The following TPD52 variants were observed in gnomAD, a reference collection of about 807,000 sequenced individuals.
TPD52 encodes the protein tumor protein D52, also known as prostate and colon associated protein.
In TPD52, 17 loss-of-function variants were observed where a neutral mutation model predicts 31.3. That is an observed-to-expected ratio of 0.54 (90% CI 0.37 to 0.82). The LOEUF is 0.82. TPD52 is among the 40% of genes least tolerant of loss of function. The pLI, the probability that TPD52 is intolerant of heterozygous loss-of-function variation, is 0.00. For missense variants in TPD52, 212 were observed against 240.1 expected (o/e 0.88, Z 0.77); for synonymous variants, 83 against 89.6 (o/e 0.93, Z 0.42).
At chr8:80,119,537 A>G (rs1040461595) in intron 1 of TPD52, among the ~76,000 whole-genome samples, 2 of 152,110 alleles carry the variant, frequency 1.3e-5, no homozygotes, top group Non-Finnish European at 1.5e-5. Flanking sequence ...TTTCTGGGGG[A>G]AAAAAAGTCA....
downstream of TPD52, chr8:80,033,271 C>A (rs541202193): frequency 2.8e-5 from 4 of 140,556 alleles, no homozygotes; most frequent in South Asian, 9.3e-4. Flanking sequence ...GGGCTCAACT[C>A]TTCTCGTTGC....
chr8:80,165,440 G>A (rs1811649290), intron 1 of TPD52, among the ~76,000 whole-genome samples: 1 of 152,162 alleles, frequency 6.6e-6, no homozygotes, highest in African/African-American at 2.4e-5. Flanking sequence ...AAGGAGTTCA[G>A]GACACAGCAT....
At position 80,168,532 on chromosome 8, in the gene TPD52, A is replaced by G. The variant is rs73252151; in HGVS notation, c.19+2893T>C. ...TGTTGCCAAAATCACAATTCAGGAG[A>G]CAATCACAGAGTTTGATAAACCTTA... On this transcript the variant is annotated intron_variant, in intron 1 of 7. Transcript: ENST00000518937. Among the ~76,000 whole-genome samples, 1,318 of 152,322 alleles carry G rather than the reference A, an allele frequency of 8.7e-3. 19 individuals are homozygous for G. Among genetic ancestry groups the G allele is most frequent in the African/African-American group, 0.029 (1,226 of 41,566 alleles).
chr8:80,062,183 T>C (rs1329412537), intron 2 of TPD52, among the ~76,000 whole-genome samples: 1 of 152,180 alleles, frequency 6.6e-6, no homozygotes, highest in Non-Finnish European at 1.5e-5. Context: ...GCTATAGTAA[T>C]CAAAATAGTG....
chr8:80,074,941 C>T (rs1239266173), intron 1 of TPD52, among the ~76,000 whole-genome samples: 1 of 152,268 alleles, frequency 6.6e-6, no homozygotes, highest in East Asian at 1.9e-4. Context: ...AAGACCCAAG[C>T]TCCTCACAAG....
chr8:80,081,835 G>A (rs1218002967), intron 1 of TPD52, among the ~76,000 whole-genome samples: 1 of 151,858 alleles, frequency 6.6e-6, no homozygotes, highest in African/African-American at 2.4e-5. Flanking sequence ...ACAGAGCTTC[G>A]CTCTTGTGAC....
intron 1 of TPD52, among the ~76,000 whole-genome samples, chr8:80,154,261 C>T (rs1810774229): frequency 6.6e-6 from 1 of 152,230 alleles, no homozygotes; most frequent in Admixed American, 6.5e-5. Context: ...TGTTGTCCCC[C>T]ATGGGGAGTA....
rs139734717 is a variant in TPD52 at position 80,157,084 on chromosome 8, C to T, written c.19+14341G>A. 1.1e-3 allele frequency among the ~76,000 whole-genome samples: 171 copies of T among 152,252 alleles called. 1 individual carries two copies. Among genetic ancestry groups the T allele is most frequent in the African/African-American group, 3.9e-3 (164 of 41,542 alleles). Reference sequence around the variant, plus strand: ...TCCACTTTGGATTGGAGGGAATTCACAAAATGCACTTTGAAAAGCTGGTTG... The same window carrying T: ...TCCACTTTGGATTGGAGGGAATTCATAAAATGCACTTTGAAAAGCTGGTTG... On this transcript the variant is annotated intron_variant, in intron 1 of 7. Transcript: ENST00000518937.
intron 1 of TPD52, among the ~76,000 whole-genome samples, chr8:80,096,291 AACACAC>A (rs34309218): frequency 6.9e-4 from 101 of 146,898 alleles, no homozygotes; most frequent in Non-Finnish European, 1.3e-3. Context: ...CACACACACA[AACACAC>A]ACACACACAC....
chr8:80,099,726 G>A (rs1243581667), intron 1 of TPD52, among the ~76,000 whole-genome samples: 7 of 152,090 alleles, frequency 4.6e-5, no homozygotes, highest in Non-Finnish European at 1.0e-4. Flanking sequence ...GGCCAGGCTG[G>A]TCTTGAACAC....
At chr8:80,157,283 A>G (rs1409430283) in intron 1 of TPD52, among the ~76,000 whole-genome samples, 1 of 151,538 alleles carries the variant, frequency 6.6e-6, no homozygotes, top group Non-Finnish European at 1.5e-5. Flanking sequence ...AAAAAAAAAA[A>G]GGAAATAAGT....
At chr8:80,147,854 A>ACC (rs200128179) in intron 1 of TPD52, among the ~76,000 whole-genome samples, 1 of 150,684 alleles carries the variant, frequency 6.6e-6, no homozygotes. Context: ...ACACACACAC[A>ACC]CCCCCCACAC....
intron 1 of TPD52, among the ~76,000 whole-genome samples, chr8:80,101,569 C>T (rs1475966734): frequency 6.6e-6 from 1 of 151,598 alleles, no homozygotes; most frequent in African/African-American, 2.4e-5. Context: ...ATATTTGGCT[C>T]ATGGTTCTGC....
chr8:80,106,644 C>T (rs1333991109), intron 1 of TPD52, among the ~76,000 whole-genome samples: 1 of 151,500 alleles, frequency 6.6e-6, no homozygotes, highest in Non-Finnish European at 1.5e-5. Flanking sequence ...ACATGAGCCA[C>T]TGTGTCCAGC....
At chr8:80,089,177 A>C (rs1275886110) in intron 1 of TPD52, among the ~76,000 whole-genome samples, 3 of 152,238 alleles carry the variant, frequency 2.0e-5, no homozygotes, top group Admixed American at 2.0e-4. Flanking sequence ...TGTGCCCTGC[A>C]TGGAACAGAA....
intron 1 of TPD52, among the ~76,000 whole-genome samples, chr8:80,099,934 C>G (rs1651318392): frequency 2.0e-5 from 3 of 152,172 alleles, no homozygotes; most frequent in Non-Finnish European, 2.9e-5. Context: ...GTGAAAACAG[C>G]CTATCAAGAT....
chr8:80,124,708 GA>G (rs1468507245), intron 1 of TPD52, among the ~76,000 whole-genome samples: 4 of 152,102 alleles, frequency 2.6e-5, no homozygotes, highest in Admixed American at 1.3e-4. Context: ...AGGGGAGAAA[GA>G]ATTTTTTTTT....
intron 1 of TPD52, among the ~76,000 whole-genome samples, chr8:80,073,391 A>T (rs1814153604): frequency 6.6e-6 from 1 of 152,172 alleles, no homozygotes; most frequent in South Asian, 2.1e-4. Context: ...TCCAGGTCCC[A>T]TTAGCTTAAA....
chr8:80,069,466 AAAC>A (rs1335510797), intron 1 of TPD52, among the ~76,000 whole-genome samples: 1 of 151,812 alleles, frequency 6.6e-6, no homozygotes, highest in South Asian at 2.1e-4. Flanking sequence ...CCCTGTCTCA[AAAC>A]AACAACAACA....
Sources: allele counts gnomAD v4.1 joint callset (sites outside exome capture counted in the v4.1 genomes callset), GRCh38; gene constraint gnomAD v4.1.1; transcripts MANE v1.5; gene names NCBI Gene and HGNC (gene_info 2026-07-23, HGNC 2026-07-21).